Variants in TPRG1 observed in about 807,000 individuals in gnomAD.
TPRG1 encodes tumor protein p63-regulated gene 1 protein.
A neutral mutation model predicts 29.3 loss-of-function variants in TPRG1; 29 were observed. The observed-to-expected ratio is 0.99, with a 90% CI of 0.74 to 1.35. The LOEUF (loss-of-function observed/expected upper bound fraction) is 1.35, where lower values mean the gene tolerates loss of function less well. Among genes scored for constraint, TPRG1 ranks in the 40% most tolerant of loss-of-function variants. The pLI is 0.00. For missense variants in TPRG1, 327 were observed against 335.0 expected (o/e 0.98, Z 0.19); for synonymous variants, 130 against 116.8 (o/e 1.11, Z -0.73).
At chr3:189,243,545 C>CTT (rs34552708) in intron 4 of TPRG1, among the ~76,000 whole-genome samples, 1 of 149,866 alleles carries the variant, frequency 6.7e-6, no homozygotes, top group African/African-American at 2.4e-5. Context: ...TGAAAATTGG[C>CTT]TTTTTTTTTT....
At chr3:189,159,846 G>A (rs1727228642) in intron 5 of TPRG1, among the ~76,000 whole-genome samples, 1 of 139,118 alleles carries the variant, frequency 7.2e-6, no homozygotes, top group Non-Finnish European at 1.6e-5. Flanking sequence ...GTGTATGTGT[G>A]TGTGTGTGTG....
intron 4 of TPRG1, among the ~76,000 whole-genome samples, chr3:189,092,158 A>AT (rs200995063): frequency 0.013 from 1,909 of 152,240 alleles, 42 homozygotes; most frequent in African/African-American, 0.042. Flanking sequence ...TTTATCAGTG[A>AT]TTTTTTCAAT....
rs192708107 is a variant in TPRG1 at position 189,212,442 on chromosome 3, A to G, written c.211-2850A>G. 1.1e-3 allele frequency among the ~76,000 whole-genome samples: 163 copies of G among 152,224 alleles called. 1 individual carries two copies. The highest frequency in any genetic ancestry group is 3.8e-3 in the African/African-American group (159 of 41,554). ...GCTTTCACATTGGGAACAAATAAAT[A>G]TATTAGTTGTATTGTTATTGCCTGT... On this transcript the variant is annotated intron_variant, in intron 2 of 5. Coordinates refer to ENST00000345063, the MANE Select transcript of TPRG1 (RefSeq NM_198485.4).
chr3:189,128,448 A>G (rs1341613882), intron 2 of TPRG1, among the ~76,000 whole-genome samples: 1 of 152,250 alleles, frequency 6.6e-6, no homozygotes, highest in African/African-American at 2.4e-5. Flanking sequence ...CAACCATAAC[A>G]TGAAACATAT....
chr3:189,103,115 CA>C (rs1321757294), intron 1 of TPRG1, among the ~76,000 whole-genome samples: 1 of 152,146 alleles, frequency 6.6e-6, no homozygotes, highest in Non-Finnish European at 1.5e-5. Context: ...ACTTTGCCTC[CA>C]AATACCTAGA....
intron 5 of TPRG1, 85 bp downstream of exon 5, chr3:189,310,624 CAAAATAAAAT>C (rs201735894): frequency 0.28 from 133,620 of 469,754 alleles, 25,959 homozygotes; most frequent in African/African-American, 0.44. Context: ...CTAAACAAAA[CAAAATAAAAT>C]AAAATAAAAT....
chr3:189,085,173 C>T (rs1358579776), intron 4 of TPRG1, among the ~76,000 whole-genome samples: 6 of 152,092 alleles, frequency 3.9e-5, no homozygotes, highest in Admixed American at 3.3e-4. Context: ...AAGCAAGTAC[C>T]GGGCTCTGTT....
chr3:189,052,832 G>A (rs1349920394), intron 4 of TPRG1, among the ~76,000 whole-genome samples: 1 of 152,166 alleles, frequency 6.6e-6, no homozygotes, highest in African/African-American at 2.4e-5. Flanking sequence ...AGTAACTCAG[G>A]AATGGAAACC....
chr3:189,207,392 C>G lies in TPRG1; in HGVS notation c.8C>G (p.Thr3Arg), dbSNP rs1215975731. ...TTGGTTTAGGCTGAAGAAATGTCAA[C>G]AATTGGGAGTTTTGAAGGATTCCAG... Reference protein sequence around the residue: MSTIGSFEGFQAV... With the variant: MSRIGSFEGFQAV... The change falls in exon 2 of 6, where the codon ACA becomes AGA. Residue 3 changes from threonine to arginine, a missense_variant. Transcript: ENST00000345063. 1.9e-6 allele frequency: 3 copies of G among 1,613,902 alleles called. No individual in the cohort carries two copies. In the Admixed American group the frequency reaches 5.0e-5, roughly 27 times the overall value.
chr3:189,085,777 TGTTACC>T (rs377279355), intron 4 of TPRG1, among the ~76,000 whole-genome samples: 1,774 of 152,246 alleles, frequency 0.012, 11 homozygotes, highest in Non-Finnish European at 0.02. Context: ...GCACAAATAT[TGTTACC>T]GTTATGAAAT....
chr3:189,139,565 C>A (rs1238127781), intron 3 of TPRG1, among the ~76,000 whole-genome samples: 1 of 152,138 alleles, frequency 6.6e-6, no homozygotes, highest in Non-Finnish European at 1.5e-5. Flanking sequence ...TGACTAACAA[C>A]TCGCGACAAT....
intron 4 of TPRG1, among the ~76,000 whole-genome samples, chr3:189,305,833 C>T (rs545981782): frequency 6.6e-6 from 1 of 152,296 alleles, no homozygotes; most frequent in African/African-American, 2.4e-5. Context: ...CCACCAAGTC[C>T]TTATGGGACC....
intron 3 of TPRG1, among the ~76,000 whole-genome samples, chr3:189,012,004 G>T (rs75862638): frequency 6.6e-6 from 1 of 152,314 alleles, no homozygotes; most frequent in South Asian, 2.1e-4. Flanking sequence ...CTTTGTTGAA[G>T]TTGTTTATCA....
intron 3 of TPRG1, among the ~76,000 whole-genome samples, chr3:189,233,166 A>ATGTG (rs59388844): frequency 1.1e-3 from 169 of 148,874 alleles, no homozygotes; most frequent in East Asian, 6.8e-3. Context: ...CTGAGTGTGT[A>ATGTG]TGTGTGTGTG....
rs1422724355 is a variant in TPRG1 at position 189,029,703 on chromosome 3, A to T, written c.-463+5757A>T. ...ATCTCCAATGTTGGAGGTGGAGCCT[A>T]GTGGGAGGTGTTTGGATCCTGGGGG... On this transcript the variant is annotated intron_variant, in intron 4 of 10. Coordinates refer to the TPRG1 transcript ENST00000433971. Among the ~76,000 whole-genome samples, 4 of 152,166 alleles carry T rather than the reference A, an allele frequency of 2.6e-5. No homozygotes were observed. In the East Asian group the frequency reaches 7.7e-4, roughly 29 times the overall value.
chr3:189,250,473 A>G (rs776140430), intron 4 of TPRG1, among the ~76,000 whole-genome samples: 14 of 135,250 alleles, frequency 1.0e-4, no homozygotes, highest in Non-Finnish European at 2.0e-4. Context: ...TGTGCCTCAT[A>G]GATTTCAGGT....
intron 4 of TPRG1, among the ~76,000 whole-genome samples, chr3:189,252,048 G>C (rs1264493536): frequency 1.3e-5 from 2 of 148,518 alleles, no homozygotes; most frequent in Non-Finnish European, 3.0e-5. Flanking sequence ...GCCTTCTGCA[G>C]TGTTTGTGTC....
intron 4 of TPRG1, among the ~76,000 whole-genome samples, chr3:189,288,710 G>A (rs538455409): frequency 6.6e-6 from 1 of 152,200 alleles, no homozygotes; most frequent in African/African-American, 2.4e-5. Context: ...GAGCTAAGTC[G>A]CAGTTTCAAA....
At chr3:189,075,203 A>G (rs1385305112) in intron 4 of TPRG1, among the ~76,000 whole-genome samples, 2 of 148,070 alleles carry the variant, frequency 1.4e-5, no homozygotes, top group Admixed American at 6.7e-5. Flanking sequence ...CACGATCTCC[A>G]CTCACTGCAA....
Sources: allele counts gnomAD v4.1 joint callset (sites outside exome capture counted in the v4.1 genomes callset), GRCh38; gene constraint gnomAD v4.1.1; transcripts MANE v1.5; gene names NCBI Gene and HGNC (gene_info 2026-07-23, HGNC 2026-07-21).